The following RPF2 variants were observed in gnomAD, a reference collection of about 807,000 sequenced individuals.
RPF2 encodes the protein ribosome production factor 2 homolog.
RPF2 carries 21 observed loss-of-function variants against 38.9 expected under a neutral mutation model. The observed-to-expected ratio is 0.54, with a 90% CI of 0.38 to 0.78. The LOEUF (loss-of-function observed/expected upper bound fraction) is 0.78, where lower values mean the gene tolerates loss of function less well. Among genes scored for constraint, RPF2 ranks in the 30% least tolerant of loss-of-function variants. The probability of loss-of-function intolerance (pLI) is 0.00; values close to 1 mark genes in which losing one functional copy is unlikely to be tolerated. For synonymous variants in RPF2, 121 were observed against 126.2 expected, an observed-to-expected ratio of 0.96 and a Z score of 0.28; for missense variants, 314 against 358.1, an observed-to-expected ratio of 0.88 and a Z score of 0.99.
At chr6:111,005,635 T>A (rs777538251) in intron 6 of RPF2, among the ~76,000 whole-genome samples, 48 of 152,176 alleles carry the variant, frequency 3.2e-4, no homozygotes, top group Non-Finnish European at 6.0e-4. Context: ...ATTTTATTTT[T>A]ATTTATTTAT....
Position 111,027,816 on chromosome 6 carries a change from C to CG in RPF2, c.*2234_*2235insG, listed in dbSNP as rs2114365406. On this transcript the variant is annotated 3_prime_UTR_variant, in exon 10 of 10. Transcript: ENST00000441448. ...AAGTACCAAATAGTATTATTGAAGT[C>CG]TAACAAAGACTTTTTGTTGAGAACA... The CG allele has an allele frequency of 6.6e-6, 1 of 152,292 alleles. No homozygotes were observed. Among genetic ancestry groups the CG allele is most frequent in the East Asian group, 1.9e-4 (1 of 5,184 alleles). The allele number at this position is 152,292 out of a possible 1,614,324, so 9.4% of individuals were successfully genotyped here.
intron 4 of RPF2, among the ~76,000 whole-genome samples, chr6:110,996,870 C>G (rs910076474): frequency 8.5e-5 from 13 of 152,216 alleles, no homozygotes; most frequent in African/African-American, 3.1e-4. Context: ...GTCGCATTCT[C>G]AGCTCACTGC....
At chr6:111,004,104 T>C (rs1033097484) in intron 6 of RPF2, among the ~76,000 whole-genome samples, 3 of 151,942 alleles carry the variant, frequency 2.0e-5, no homozygotes, top group African/African-American at 7.3e-5. Context: ...TGAGCCACCA[T>C]GCCCAGCCAG....
intron 8 of RPF2, among the ~76,000 whole-genome samples, chr6:111,019,271 TG>T (rs1772185667): frequency 6.6e-6 from 1 of 151,922 alleles, no homozygotes; most frequent in South Asian, 2.1e-4. Context: ...CCCAGCTACT[TG>T]GGAGGCTGTG....
intron 6 of RPF2, among the ~76,000 whole-genome samples, chr6:111,001,017 C>T (rs1231472459): frequency 2.0e-5 from 3 of 152,096 alleles, no homozygotes; most frequent in Non-Finnish European, 4.4e-5. Context: ...TGGTAGAATT[C>T]CTGTACTAAG....
At chr6:111,015,900 T>C (rs1377729366) in intron 8 of RPF2, 44 bp downstream of exon 8, 1 of 1,379,614 alleles carries the variant, frequency 7.2e-7, no homozygotes, top group Non-Finnish European at 1.0e-6. Flanking sequence ...TCAGGGTTAG[T>C]GTTTAAAACT....
At chr6:111,024,143 G>A in intron 8 of RPF2, 40 bp from the exon 9 acceptor site, 1 of 1,536,786 alleles carries the variant, frequency 6.5e-7, no homozygotes, top group Non-Finnish European at 8.8e-7. Context: ...GGACTTTTAT[G>A]AAAGTCAAAG....
At chr6:111,021,905 G>A (rs868640060) in intron 8 of RPF2, among the ~76,000 whole-genome samples, 2 of 152,300 alleles carry the variant, frequency 1.3e-5, no homozygotes, top group Middle Eastern at 3.4e-3. Flanking sequence ...CTTTTTGGAT[G>A]AAAGGAACTC....
At chr6:111,021,349 T>C (rs1257440652) in intron 8 of RPF2, among the ~76,000 whole-genome samples, 1 of 152,204 alleles carries the variant, frequency 6.6e-6, no homozygotes, top group Non-Finnish European at 1.5e-5. Flanking sequence ...AGATGTTCCA[T>C]ATGTGCCTTG....
In RPF2 at chr6:111,004,776, C is replaced by T. The variant is rs1242205485; in HGVS notation, c.394-3262C>T. Among the ~76,000 whole-genome samples the T allele has an allele frequency of 2.0e-5, 3 of 151,812 alleles. No individual in the cohort carries two copies. The East Asian group carries it at 5.8e-4, about 29-fold the overall frequency. On this transcript the variant is annotated intron_variant, in intron 6 of 9. Transcript: ENST00000441448. ...TAGAGACAGGGTTTCACCACGTTGG[C>T]CAGGTTGGTCTCGGACTCCTCACCT...
chr6:110,999,255 G>A (rs1007369995), intron 5 of RPF2, among the ~76,000 whole-genome samples: 4 of 151,686 alleles, frequency 2.6e-5, no homozygotes, highest in African/African-American at 9.7e-5. Context: ...AATTGGGGGG[G>A]AAAATTATCC....
chr6:110,989,161 AAAG>A, intron 3 of RPF2, 96 bp downstream of exon 3: 1 of 1,211,956 alleles, frequency 8.3e-7, no homozygotes, highest in Non-Finnish European at 1.1e-6. Context: ...AACTTTTTAA[AAAG>A]ATATTAAAAT....
chr6:110,982,399 C>T, intron 1 of RPF2: 1 of 552,364 alleles, frequency 1.8e-6, no homozygotes, highest in Non-Finnish European at 3.2e-6. Flanking sequence ...GTCTGACTTC[C>T]GAAGTATGAG....
At chr6:110,983,798 G>A (rs1433694325) in intron 1 of RPF2, among the ~76,000 whole-genome samples, 2 of 139,964 alleles carry the variant, frequency 1.4e-5, no homozygotes, top group Admixed American at 1.4e-4. Flanking sequence ...GGCTGAGGCG[G>A]GGGGGTGGGT....
At chr6:111,021,670 C>T (rs1772237151) in intron 8 of RPF2, among the ~76,000 whole-genome samples, 1 of 152,184 alleles carries the variant, frequency 6.6e-6, no homozygotes, top group African/African-American at 2.4e-5. Context: ...CTAAGATTGA[C>T]AGTACTGCTT....
At chr6:111,019,238 G>T (rs886236283) in intron 8 of RPF2, among the ~76,000 whole-genome samples, 1 of 151,894 alleles carries the variant, frequency 6.6e-6, no homozygotes, top group African/African-American at 2.4e-5. Flanking sequence ...AATTAGCTGG[G>T]TATGGTGGCG....
At chr6:111,000,297 CAG>C (rs1771792220) in intron 6 of RPF2, among the ~76,000 whole-genome samples, 1 of 152,014 alleles carries the variant, frequency 6.6e-6, no homozygotes, top group Non-Finnish European at 1.5e-5. Context: ...ATTGTAGAGA[CAG>C]GGTTTTGTCA....
At chr6:111,014,057 G>A (rs544895038) in intron 7 of RPF2, among the ~76,000 whole-genome samples, 1 of 151,562 alleles carries the variant, frequency 6.6e-6, no homozygotes, top group South Asian at 2.1e-4. Context: ...CTTGTTTGGG[G>A]GAGTAGAGGA....
chr6:111,017,536 CG>C (rs1772145822), intron 8 of RPF2, among the ~76,000 whole-genome samples: 1 of 142,360 alleles, frequency 7.0e-6, no homozygotes, highest in Non-Finnish European at 1.5e-5. Flanking sequence ...ACTTCTTAGA[CG>C]GGGCGGCCGG....
Sources: allele counts gnomAD v4.1 joint callset (sites outside exome capture counted in the v4.1 genomes callset), GRCh38; gene constraint gnomAD v4.1.1; transcripts MANE v1.5; gene names NCBI Gene and HGNC (gene_info 2026-07-23, HGNC 2026-07-21).